PIK3C3: variants seen among roughly 807,000 people sequenced by gnomAD.
PIK3C3 encodes the protein phosphatidylinositol 3-kinase catalytic subunit type 3.
PIK3C3 carries 95 observed loss-of-function variants against 126.1 expected under a neutral mutation model. The observed-to-expected ratio is 0.75, with a 90% CI of 0.64 to 0.89. The LOEUF is 0.89. PIK3C3 is among the 40% of genes least tolerant of loss of function. The pLI is 0.00. For missense variants in PIK3C3, 829 were observed against 1,063.2 expected, an observed-to-expected ratio of 0.78 and a Z score of 3.06; for synonymous variants, 374 against 360.0, an observed-to-expected ratio of 1.04 and a Z score of -0.44.
chr18:42,071,572 T>G (rs970329399), intron 24 of PIK3C3, among the ~76,000 whole-genome samples: 11 of 151,976 alleles, frequency 7.2e-5, no homozygotes, highest in African/African-American at 2.7e-4. Flanking sequence ...ATACAAAAAT[T>G]AGCCAGACGT....
chr18:41,955,631 C>G (rs1025900983), intron 1 of PIK3C3, among the ~76,000 whole-genome samples: 7 of 152,188 alleles, frequency 4.6e-5, no homozygotes, highest in African/African-American at 1.7e-4. Flanking sequence ...AAAGTTTTTG[C>G]TGTTCAGCCT....
chr18:41,985,429 C>A (rs1376497069), intron 4 of PIK3C3, among the ~76,000 whole-genome samples: 1 of 152,074 alleles, frequency 6.6e-6, no homozygotes, highest in Non-Finnish European at 1.5e-5. Flanking sequence ...AAGTCAGGTA[C>A]AGGAGACAGA....
At chr18:42,079,408 G>A (rs1036911190) in intron 24 of PIK3C3, among the ~76,000 whole-genome samples, 1 of 152,108 alleles carries the variant, frequency 6.6e-6, no homozygotes. Flanking sequence ...TAGTGATAAC[G>A]AAGATCGCTG....
At chr18:42,040,254 A>G (rs111887256) in intron 18 of PIK3C3, among the ~76,000 whole-genome samples, 1,611 of 151,170 alleles carry the variant, frequency 0.011, 28 homozygotes, top group African/African-American at 0.038. Context: ...GAGCCATTAC[A>G]TAACAGTTTT....
chr18:41,962,561 A>G lies in PIK3C3; in HGVS notation c.330A>G (p.Ile110Met), dbSNP rs765692885. Residue 110 changes from isoleucine (I) to methionine (M), a missense_variant, in exon 3 of 25, where the codon ATA becomes ATG. Physicochemically the swap from Ile to Met is conservative, Grantham distance 10. Transcript: ENST00000262039. ...LPRNAQVALT[I>M]WDVYGPGKAV... The stretch of plus-strand genomic sequence containing the variant: ...GGAATGCCCAAGTGGCCCTCACCAT[A>G]TGGGATGTGTATGGTCCCGGAAAAG... 23 of 1,613,720 alleles carry G rather than the reference A, an allele frequency of 1.4e-5. No individual in the cohort carries two copies. Among genetic ancestry groups the G allele is most frequent in the Non-Finnish European group, 1.9e-5 (22 of 1,179,704 alleles).
intron 24 of PIK3C3, among the ~76,000 whole-genome samples, chr18:42,078,548 C>G (rs1053095398): frequency 1.3e-5 from 2 of 152,104 alleles, no homozygotes; most frequent in Admixed American, 1.3e-4. Context: ...TTGACATCAA[C>G]TAAGTCACCA....
At chr18:42,000,259 T>C (rs375583427) in intron 9 of PIK3C3, among the ~76,000 whole-genome samples, 1 of 152,068 alleles carries the variant, frequency 6.6e-6, no homozygotes, top group East Asian at 1.9e-4. Context: ...ACCATGTTGG[T>C]CAGCCTGGTC....
rs911270552 is a variant in PIK3C3, at chr18:42,086,715, T to A, written c.*5578T>A. On this transcript the variant is annotated 3_prime_UTR_variant, in exon 25 of 25. Coordinates refer to ENST00000262039, the MANE Select transcript of PIK3C3 (RefSeq NM_002647.4). ...AACATCAGGAAGTTACCCTATATGGTCTAAAAAGGGGAGGAACCCTCAGTT... is the reference window on the plus strand; with the variant it reads ...AACATCAGGAAGTTACCCTATATGGACTAAAAAGGGGAGGAACCCTCAGTT... 22 of 152,154 alleles carry A rather than the reference T, an allele frequency of 1.4e-4. No individual in the cohort carries two copies. Among genetic ancestry groups the A allele is most frequent in the African/African-American group, 4.8e-4 (20 of 41,442 alleles). The allele number at this position is 152,154 out of a possible 1,614,324, so 9.4% of individuals were successfully genotyped here. A position where few individuals can be genotyped will look rare whatever the true frequency, so the allele number is the denominator to read the frequency against.
In PIK3C3 at chr18:42,084,852, C is replaced by T. The variant is rs1477063689; in HGVS notation, c.*3715C>T. On this transcript the variant is annotated 3_prime_UTR_variant, in exon 25 of 25. Transcript: ENST00000262039. ...CTGCAGGTGGGCCTTGTGAGTTTTCCCAGGGGATTCCGATGCCTGCTAGAT... is the reference window on the plus strand; with the variant it reads ...CTGCAGGTGGGCCTTGTGAGTTTTCTCAGGGGATTCCGATGCCTGCTAGAT... 6.6e-6 allele frequency: 1 copy of T among 152,122 alleles called. No homozygotes were observed. Among genetic ancestry groups the T allele is most frequent in the Non-Finnish European group, 1.5e-5 (1 of 68,056 alleles). 9.4% of individuals were successfully genotyped at this position (152,122 alleles called of 1,614,324 possible).
intron 5 of PIK3C3, among the ~76,000 whole-genome samples, chr18:41,989,454 C>T (rs1428938801): frequency 1.3e-5 from 2 of 152,160 alleles, no homozygotes; most frequent in Admixed American, 6.6e-5. Context: ...TTCACTTTAT[C>T]ATCACCTTAG....
chr18:41,987,644 AAAT>A (rs1320683988), intron 4 of PIK3C3, among the ~76,000 whole-genome samples, 165 bp from the exon 5 acceptor site: 1 of 152,144 alleles, frequency 6.6e-6, no homozygotes, highest in Non-Finnish European at 1.5e-5. Context: ...TTTCTTTAAA[AAAT>A]AATGATTTGT....
chr18:42,033,001 T>C (rs917585474), intron 15 of PIK3C3, among the ~76,000 whole-genome samples: 1 of 152,166 alleles, frequency 6.6e-6, no homozygotes, highest in African/African-American at 2.4e-5. Flanking sequence ...GCACTTCAAC[T>C]TCCCAGTAGC....
intron 24 of PIK3C3, among the ~76,000 whole-genome samples, chr18:42,073,735 T>TA (rs1555643012): frequency 2.0e-5 from 3 of 151,680 alleles, no homozygotes; most frequent in African/African-American, 4.8e-5. Context: ...TTTTTTTTTT[T>TA]AATTTGTATT....
At chr18:41,965,956 T>C (rs543322776) in intron 3 of PIK3C3, among the ~76,000 whole-genome samples, 2 of 152,266 alleles carry the variant, frequency 1.3e-5, no homozygotes, top group East Asian at 1.9e-4. Flanking sequence ...ACTTTGAATC[T>C]TGGAAAGTCA....
At chr18:41,994,635 A>G (rs1398738364) in intron 7 of PIK3C3, among the ~76,000 whole-genome samples, 1 of 152,188 alleles carries the variant, frequency 6.6e-6, no homozygotes, top group Non-Finnish European at 1.5e-5. Flanking sequence ...TCACTAAGTC[A>G]TAATACTGAG....
chr18:42,058,527 C>T (rs1283558305), intron 22 of PIK3C3, among the ~76,000 whole-genome samples: 1 of 152,146 alleles, frequency 6.6e-6, no homozygotes, highest in Non-Finnish European at 1.5e-5. Context: ...CATTTTTATT[C>T]TTTAGCAGCC....
chr18:42,062,238 C>CTT (rs59113345), intron 22 of PIK3C3, among the ~76,000 whole-genome samples: 1,516 of 142,508 alleles, frequency 0.011, 26 homozygotes, highest in African/African-American at 0.035. Context: ...GAAAGAGCAT[C>CTT]TTTTTTTTTT....
At chr18:42,066,902 T>TGTCA (rs1409121590) in intron 23 of PIK3C3, among the ~76,000 whole-genome samples, 1 of 152,108 alleles carries the variant, frequency 6.6e-6, no homozygotes, top group Non-Finnish European at 1.5e-5. Flanking sequence ...AGTTTGTCAG[T>TGTCA]GATTGACATT....
Position 42,084,545 on chromosome 18 carries a change from A to T in PIK3C3, c.*3408A>T, listed in dbSNP as rs1317615368. ...AGAAAAAGAACATTAGGTAAAAATG[A>T]CAGAAATCTGAATATAGTATAGAGT... On this transcript the variant is annotated 3_prime_UTR_variant, in exon 25 of 25. Transcript: ENST00000262039. The T allele has an allele frequency of 6.7e-6, 1 of 149,772 alleles. No homozygotes were observed. Among genetic ancestry groups the T allele is most frequent in the East Asian group, 2.0e-4 (1 of 5,036 alleles). The allele number at this position is 149,772 out of a possible 1,614,324, so 9.3% of individuals were successfully genotyped here.
Sources: gnomAD v4.1 joint callset for allele counts (sites outside exome capture counted in the v4.1 genomes callset) on GRCh38, gnomAD v4.1.1 for gene constraint, MANE v1.5 for transcripts, NCBI Gene and HGNC (gene_info 2026-07-23, HGNC 2026-07-21) for gene names.